Variants in PTPRG observed in about 807,000 individuals in gnomAD.
The protein encoded by PTPRG is protein tyrosine phosphatase receptor type G.
A neutral mutation model predicts 165.3 loss-of-function variants in PTPRG; 102 were observed. The ratio of observed to expected loss-of-function variants is 0.62; its 90% CI spans 0.53 to 0.73. The LOEUF is 0.73. PTPRG is among the 30% of genes least tolerant of loss of function. The probability of loss-of-function intolerance (pLI) is 0.00; values close to 1 mark genes in which losing one functional copy is unlikely to be tolerated. For missense variants in PTPRG, 1,866 were observed against 1,861.4 expected (o/e 1.00, Z -0.05); for synonymous variants, 675 against 669.5 (o/e 1.01, Z -0.13).
intron 12 of PTPRG, among the ~76,000 whole-genome samples, chr3:62,211,422 C>G (rs532636278): frequency 8.9e-4 from 135 of 152,216 alleles, no homozygotes; most frequent in Non-Finnish European, 1.6e-3. Context: ...AGATCAGTTG[C>G]GCATCAGTTG....
intron 15 of PTPRG, among the ~76,000 whole-genome samples, chr3:62,253,803 G>T (rs572977378): frequency 1.3e-5 from 2 of 152,226 alleles, no homozygotes; most frequent in South Asian, 4.1e-4. Context: ...TTTTCATAAG[G>T]TTGCCTATTA....
chr3:62,232,777 A>G (rs757784110), intron 14 of PTPRG, among the ~76,000 whole-genome samples: 5 of 152,248 alleles, frequency 3.3e-5, no homozygotes, highest in Admixed American at 6.5e-5. Context: ...AATCAGTTTC[A>G]TCTAGGTCTA....
intron 2 of PTPRG, among the ~76,000 whole-genome samples, chr3:61,920,135 C>T (rs892554235): frequency 2.0e-5 from 3 of 152,212 alleles, no homozygotes. Context: ...CACTCGTCCC[C>T]ACATCTCAGT....
chr3:61,747,489 T>G (rs1559589046), intron 1 of PTPRG, among the ~76,000 whole-genome samples: 1 of 152,340 alleles, frequency 6.6e-6, no homozygotes, highest in East Asian at 1.9e-4. Context: ...ACATCAGGTT[T>G]ACTTTTTAGG....
At chr3:61,847,836 G>A (rs2036848844) in intron 2 of PTPRG, among the ~76,000 whole-genome samples, 2 of 152,214 alleles carry the variant, frequency 1.3e-5, no homozygotes, top group Non-Finnish European at 2.9e-5. Context: ...TGCAGACAGA[G>A]GCTTAAGACA....
chr3:61,978,697 A>G (rs1420834263), intron 2 of PTPRG, among the ~76,000 whole-genome samples: 1 of 152,224 alleles, frequency 6.6e-6, no homozygotes, highest in Non-Finnish European at 1.5e-5. Flanking sequence ...AGCCAAGGTC[A>G]ACAAACAGTT....
intron 1 of PTPRG, among the ~76,000 whole-genome samples, chr3:61,563,144 CGG>C (rs1559504282): frequency 6.3e-5 from 1 of 15,804 alleles, no homozygotes; most frequent in Non-Finnish European, 1.8e-4. Flanking sequence ...GGGGCGGGGG[CGG>C]TTTCGGCGGC....
chr3:62,195,216 C>T lies in PTPRG; in HGVS notation c.1327+46C>T. On this transcript the variant is annotated intron_variant, in intron 10 of 29. Transcript: ENST00000474889. This position sits in a 1 kb window ranked among gnomAD's most constrained non-coding sequence, Gnocchi z 4.4. ...TGTGGCCGGGGTGCCCCTGAGACTC[C>T]CTCCCAATGCTTTCTGCTTCTTCCT... 1.3e-6 allele frequency: 2 copies of T among 1,493,206 alleles called. No homozygotes were observed. The highest frequency in any genetic ancestry group is 1.9e-6 in the Non-Finnish European group (2 of 1,070,432). 92.5% of individuals were successfully genotyped at this position (1,493,206 alleles called of 1,614,324 possible).
At chr3:61,631,432 A>G (rs1701772880) in intron 1 of PTPRG, among the ~76,000 whole-genome samples, 1 of 152,256 alleles carries the variant, frequency 6.6e-6, no homozygotes, top group South Asian at 2.1e-4. Context: ...GTTTGCTGCT[A>G]TACCTGTTCT....
chr3:61,999,321 A>G (rs13098476), intron 3 of PTPRG, among the ~76,000 whole-genome samples: 4 of 152,108 alleles, frequency 2.6e-5, no homozygotes, highest in Admixed American at 1.3e-4. Flanking sequence ...CGCTGGGGTT[A>G]TAAGCACAAG....
chr3:61,919,008 C>A (rs1021265692), intron 2 of PTPRG, among the ~76,000 whole-genome samples: 1 of 152,138 alleles, frequency 6.6e-6, no homozygotes, highest in Non-Finnish European at 1.5e-5. Context: ...TCTCTGTAGT[C>A]CCTTCCCACA....
chr3:61,722,596 G>T (rs1045157786), intron 1 of PTPRG, among the ~76,000 whole-genome samples: 1 of 152,080 alleles, frequency 6.6e-6, no homozygotes, highest in African/African-American at 2.4e-5. Flanking sequence ...TTCCTGCAAG[G>T]CTTATATTTA....
At chr3:61,966,608 T>C (rs2107651858) in intron 2 of PTPRG, among the ~76,000 whole-genome samples, 1 of 152,272 alleles carries the variant, frequency 6.6e-6, no homozygotes, top group Non-Finnish European at 1.5e-5. Flanking sequence ...CCCACTGACT[T>C]AGTTTTCATT....
chr3:61,828,797 A>G (rs2036186096), intron 2 of PTPRG, among the ~76,000 whole-genome samples: 1 of 152,180 alleles, frequency 6.6e-6, no homozygotes, highest in Admixed American at 6.5e-5. Flanking sequence ...AGGCACAGTG[A>G]CAGGGATTAT....
chr3:61,908,252 C>G (rs902520425), intron 2 of PTPRG, among the ~76,000 whole-genome samples: 45 of 151,272 alleles, frequency 3.0e-4, no homozygotes, highest in Admixed American at 1.7e-3. Flanking sequence ...ACGGTGAAAC[C>G]CTGTCTCTAT....
intron 2 of PTPRG, among the ~76,000 whole-genome samples, chr3:61,947,045 C>A (rs1210070521): frequency 6.6e-6 from 1 of 152,134 alleles, no homozygotes; most frequent in Non-Finnish European, 1.5e-5. Flanking sequence ...CGATGTAATC[C>A]TTTATAGAAA....
intron 1 of PTPRG, among the ~76,000 whole-genome samples, chr3:61,694,025 A>AAAAGAG (rs1553650991): frequency 6.9e-6 from 1 of 145,940 alleles, no homozygotes; most frequent in African/African-American, 2.5e-5. Flanking sequence ...AAAAAAAAAA[A>AAAAGAG]AGAGAGAGAG....
At chr3:61,784,059 G>C (rs1359979466) in intron 2 of PTPRG, among the ~76,000 whole-genome samples, 1 of 152,178 alleles carries the variant, frequency 6.6e-6, no homozygotes, top group Non-Finnish European at 1.5e-5. Flanking sequence ...CAATATTAAA[G>C]AAGCTGAAAA....
chr3:62,060,440 A>C (rs1575950574), intron 4 of PTPRG, among the ~76,000 whole-genome samples: 1 of 152,180 alleles, frequency 6.6e-6, no homozygotes, highest in Non-Finnish European at 1.5e-5. Flanking sequence ...ATGAGATTGC[A>C]CAAGGCTTCT....
Sources: gnomAD v4.1 joint callset for allele counts (sites outside exome capture counted in the v4.1 genomes callset) on GRCh38, gnomAD v4.1.1 for gene constraint, Gnocchi (gnomAD v3.1) non-coding constraint, MANE v1.5 for transcripts, NCBI Gene and HGNC (gene_info 2026-07-23, HGNC 2026-07-21) for gene names.